The following SH3KBP1 variants were observed in gnomAD, a reference collection of about 807,000 sequenced individuals.
SH3KBP1 encodes SH3 domain-containing kinase-binding protein 1.
In SH3KBP1, 8 loss-of-function variants were observed where a neutral mutation model predicts 50.1. The ratio of observed to expected loss-of-function variants is 0.16; its 90% confidence interval spans 0.09 to 0.29. SH3KBP1 has a LOEUF of 0.29. Among genes scored for constraint, SH3KBP1 ranks in the 10% least tolerant of loss-of-function variants. The pLI is 1.00. For missense variants in SH3KBP1, 377 were observed against 535.2 expected (o/e 0.70, Z 2.92); for synonymous variants, 227 against 218.6 (o/e 1.04, Z -0.34).
Position 19,545,822 on chromosome X carries a change from C to A in SH3KBP1, c.1623+100G>T. 13 of 966,321 alleles carry A rather than the reference C, an allele frequency of 1.3e-5. No individual in the cohort carries two copies. In the South Asian group the frequency reaches 3.2e-4, roughly 24 times the overall value. 79.6% of individuals were successfully genotyped at this position (966,321 alleles called of 1,213,427 possible). A position where few individuals can be genotyped will look rare whatever the true frequency, so the allele number is the denominator to read the frequency against. ...CAGAATCGCTGTCACTGAAGAATGA[C>A]AAACACCTGCACTGTTTGTGTATCT... On this transcript the variant is annotated intron_variant, in intron 15 of 17. Transcript: ENST00000397821.
intron 1 of SH3KBP1, among the ~76,000 whole-genome samples, chrX:19,879,160 G>A (rs886605369): frequency 2.7e-5 from 3 of 112,361 alleles, no homozygotes; most frequent in Admixed American, 1.9e-4. Flanking sequence ...TGGGAGGATC[G>A]CTTGAGCCTG....
intron 2 of SH3KBP1, among the ~76,000 whole-genome samples, chrX:19,785,612 G>A (rs983032237): frequency 8.9e-6 from 1 of 111,805 alleles, no homozygotes; most frequent in Non-Finnish European, 1.9e-5. Context: ...ATGTGCTACA[G>A]CATGAAATTA....
chrX:19,634,184 G>GAGAC (rs1301673589), intron 7 of SH3KBP1, among the ~76,000 whole-genome samples: 4 of 107,937 alleles, frequency 3.7e-5, no homozygotes, highest in Non-Finnish European at 7.7e-5. Flanking sequence ...CAGAGAGAGA[G>GAGAC]AGACAGACAG....
intron 1 of SH3KBP1, among the ~76,000 whole-genome samples, chrX:19,860,144 C>T (rs918122017): frequency 1.5e-4 from 16 of 109,955 alleles, no homozygotes; most frequent in African/African-American, 5.3e-4. Context: ...TGGCACACAC[C>T]TGTAGCCCCG....
intron 13 of SH3KBP1, among the ~76,000 whole-genome samples, chrX:19,552,979 C>G (rs777739182): frequency 9.0e-6 from 1 of 111,120 alleles, no homozygotes; most frequent in Non-Finnish European, 1.9e-5. Flanking sequence ...ACAGTGGGTC[C>G]TCCCATGCTG....
chrX:19,601,828 T>G (rs1458019866), intron 9 of SH3KBP1, among the ~76,000 whole-genome samples: 1 of 111,248 alleles, frequency 9.0e-6, no homozygotes. Flanking sequence ...ACTGCACCTC[T>G]GTACCCTATA....
At chrX:19,725,555 T>C (rs1471768557) in intron 3 of SH3KBP1, among the ~76,000 whole-genome samples, 1 of 111,452 alleles carries the variant, frequency 9.0e-6, no homozygotes, top group East Asian at 2.8e-4. Flanking sequence ...CTCAACCACA[T>C]AGGGACAGTT....
intron 2 of SH3KBP1, among the ~76,000 whole-genome samples, chrX:19,793,407 C>T (rs1422069177): frequency 9.1e-6 from 1 of 109,340 alleles, no homozygotes; most frequent in East Asian, 2.8e-4. Flanking sequence ...GGGTTGAATC[C>T]TGGATCTGCC....
chrX:19,749,038 C>G (rs759503064), intron 2 of SH3KBP1, among the ~76,000 whole-genome samples: 1 of 112,411 alleles, frequency 8.9e-6, no homozygotes, highest in East Asian at 2.8e-4. Flanking sequence ...GAGCATGTGA[C>G]ACGATGTTCA....
chrX:19,589,376 C>T (rs2066670610), intron 11 of SH3KBP1, among the ~76,000 whole-genome samples: 2 of 111,394 alleles, frequency 1.8e-5, no homozygotes, highest in Admixed American at 9.5e-5. Context: ...AGGAAAGAGG[C>T]CTGACACGTC....
intron 1 of SH3KBP1, among the ~76,000 whole-genome samples, chrX:19,837,686 C>T (rs1251760750): frequency 2.7e-5 from 3 of 110,004 alleles, no homozygotes; most frequent in South Asian, 7.7e-4. Flanking sequence ...GATGATCTGC[C>T]CGCCTCGGCT....
chrX:19,870,588 C>T (rs757633883), intron 1 of SH3KBP1, among the ~76,000 whole-genome samples: 4 of 111,863 alleles, frequency 3.6e-5, no homozygotes, highest in African/African-American at 1.3e-4. Flanking sequence ...TCACGTGATC[C>T]GCTGACCTTG....
intron 6 of SH3KBP1, among the ~76,000 whole-genome samples, chrX:19,646,037 A>G (rs1469278845): frequency 9.0e-6 from 1 of 111,215 alleles, no homozygotes; most frequent in African/African-American, 3.3e-5. Context: ...TCCCAGAGAA[A>G]GGGGAGATAC....
intron 1 of SH3KBP1, among the ~76,000 whole-genome samples, chrX:19,869,928 C>A (rs2068995378): frequency 8.9e-6 from 1 of 112,221 alleles, no homozygotes; most frequent in African/African-American, 3.2e-5. Flanking sequence ...ACACTTCACA[C>A]ATACACCAGA....
chrX:19,615,384 G>A (rs2067577227), intron 8 of SH3KBP1, among the ~76,000 whole-genome samples: 1 of 112,311 alleles, frequency 8.9e-6, no homozygotes, highest in African/African-American at 3.2e-5. Flanking sequence ...TGTTCTTCAT[G>A]ACCTTCCCTG....
intron 2 of SH3KBP1, among the ~76,000 whole-genome samples, chrX:19,816,404 T>G (rs977804734): frequency 4.4e-5 from 5 of 112,496 alleles, no homozygotes; most frequent in Non-Finnish European, 9.4e-5. Context: ...ACATTCTAGA[T>G]ACAAGTCCTT....
intron 14 of SH3KBP1, among the ~76,000 whole-genome samples, chrX:19,546,619 G>A (rs1272699588): frequency 8.9e-6 from 1 of 112,367 alleles, no homozygotes; most frequent in African/African-American, 3.2e-5. Context: ...CACCAGGCTT[G>A]TGGTCCAGTG....
rs748778217 is a variant in SH3KBP1, at chrX:19,682,964, G to A, written c.726+859C>T. Among the ~76,000 whole-genome samples the A allele has an allele frequency of 1.7e-3, 185 of 109,689 alleles. 1 individual carries two copies. Among genetic ancestry groups the A allele is most frequent in the African/African-American group, 5.9e-3 (179 of 30,117 alleles). On this transcript the variant is annotated intron_variant, in intron 6 of 17. Coordinates refer to ENST00000397821, the MANE Select transcript of SH3KBP1 (RefSeq NM_031892.3). Reference sequence around the variant, plus strand: ...GCCACCCATAAACCTGAATTAGAGAGGTTGCCAATACCCCGTCCCCCAAAT... The same window carrying A: ...GCCACCCATAAACCTGAATTAGAGAAGTTGCCAATACCCCGTCCCCCAAAT...
intron 6 of SH3KBP1, among the ~76,000 whole-genome samples, chrX:19,654,606 C>A (rs1273993029): frequency 8.9e-6 from 1 of 112,078 alleles, no homozygotes; most frequent in Non-Finnish European, 1.9e-5. Context: ...ACCACATTGG[C>A]AAAACATAAT....
Sources: allele counts gnomAD v4.1 joint callset (sites outside exome capture counted in the v4.1 genomes callset), GRCh38; gene constraint gnomAD v4.1.1; transcripts MANE v1.5; gene names NCBI Gene and HGNC (gene_info 2026-07-23, HGNC 2026-07-21).